The following DCLK1 variants were observed in gnomAD, a reference collection of about 807,000 sequenced individuals.
DCLK1 encodes serine/threonine-protein kinase DCLK1.
DCLK1 carries 16 observed loss-of-function variants against 86.2 expected under a neutral mutation model. The ratio of observed to expected loss-of-function variants is 0.19; its 90% CI spans 0.13 to 0.28. DCLK1 has a LOEUF of 0.28. DCLK1 is among the 10% of genes least tolerant of loss of function. DCLK1 has a pLI of 1.00. For missense variants in DCLK1, 590 were observed against 940.2 expected (o/e 0.63, Z 4.87); for synonymous variants, 369 against 370.5 (o/e 1.00, Z 0.05).
chr13:36,112,960 A>C (rs932198075), intron 2 of DCLK1, among the ~76,000 whole-genome samples: 6 of 152,254 alleles, frequency 3.9e-5, no homozygotes, highest in African/African-American at 1.4e-4. Context: ...GTAGATGTAG[A>C]TCACACACAC....
intron 3 of DCLK1, among the ~76,000 whole-genome samples, chr13:36,032,435 C>T (rs977079524): frequency 1.3e-5 from 2 of 152,180 alleles, no homozygotes; most frequent in South Asian, 2.1e-4. Context: ...TGAGCCACTG[C>T]GCCCAGCCCA....
At chr13:35,873,190 C>A (rs1333726505) in intron 4 of DCLK1, among the ~76,000 whole-genome samples, 1 of 151,798 alleles carries the variant, frequency 6.6e-6, no homozygotes, top group East Asian at 2.0e-4. Context: ...CCCAGCTACT[C>A]GGGAGGCTAA....
intron 3 of DCLK1, among the ~76,000 whole-genome samples, chr13:36,011,557 T>C (rs1881272303): frequency 1.3e-5 from 2 of 148,634 alleles, no homozygotes; most frequent in South Asian, 4.4e-4. Context: ...TTCTTAATCC[T>C]GAGTTCTAGT....
intron 4 of DCLK1, among the ~76,000 whole-genome samples, chr13:35,921,724 G>A (rs9545782): frequency 0.1 from 15,945 of 152,152 alleles, 988 homozygotes; most frequent in African/African-American, 0.17. Context: ...AATGAAGAGC[G>A]CTAAAGAATC....
intron 4 of DCLK1, among the ~76,000 whole-genome samples, chr13:35,894,619 C>T (rs372005967): frequency 6.6e-6 from 1 of 152,166 alleles, no homozygotes; most frequent in African/African-American, 2.4e-5. Flanking sequence ...CACAGAGGTG[C>T]CCAGGGAAGA....
At chr13:36,076,849 T>C (rs1179205462) in intron 3 of DCLK1, among the ~76,000 whole-genome samples, 1 of 152,220 alleles carries the variant, frequency 6.6e-6, no homozygotes, top group Non-Finnish European at 1.5e-5. Flanking sequence ...AGATGGACAT[T>C]CTGTCCAAAA....
chr13:35,897,379 T>G (rs1172520516), intron 4 of DCLK1, among the ~76,000 whole-genome samples: 1 of 152,068 alleles, frequency 6.6e-6, no homozygotes, highest in Non-Finnish European at 1.5e-5. Flanking sequence ...GACCTAGCCA[T>G]GATAGCAAGA....
intron 3 of DCLK1, among the ~76,000 whole-genome samples, chr13:35,966,885 C>A (rs1011764499): frequency 2.0e-5 from 3 of 152,066 alleles, no homozygotes; most frequent in Non-Finnish European, 1.5e-5. Context: ...CTGCCTTGGC[C>A]TCCCAAAGTG....
intron 3 of DCLK1, among the ~76,000 whole-genome samples, chr13:36,053,457 C>T (rs1200601899): frequency 6.6e-6 from 1 of 152,048 alleles, no homozygotes; most frequent in East Asian, 1.9e-4. Context: ...ACAGAGTCAA[C>T]CAATACTTAT....
At chr13:36,064,710 C>T (rs1360522375) in intron 3 of DCLK1, among the ~76,000 whole-genome samples, 11 of 147,850 alleles carry the variant, frequency 7.4e-5, no homozygotes, top group Non-Finnish European at 1.6e-4. Context: ...TGGGTAACTT[C>T]ATCTTTACCA....
At chr13:36,071,158 T>C (rs1456391448) in intron 3 of DCLK1, among the ~76,000 whole-genome samples, 1 of 151,960 alleles carries the variant, frequency 6.6e-6, no homozygotes, top group Non-Finnish European at 1.5e-5. Flanking sequence ...TATGAACATA[T>C]CTCGTTACAC....
chr13:35,905,422 C>G (rs545788533), intron 4 of DCLK1, among the ~76,000 whole-genome samples: 24 of 152,192 alleles, frequency 1.6e-4, no homozygotes, highest in African/African-American at 5.6e-4. Context: ...CACCCTATCC[C>G]AGGAGCCAGG....
At chr13:36,034,285 A>C (rs1309440758) in intron 3 of DCLK1, among the ~76,000 whole-genome samples, 1 of 152,252 alleles carries the variant, frequency 6.6e-6, no homozygotes, top group African/African-American at 2.4e-5. Context: ...AATAGAATCA[A>C]TAGAAATTAA....
chr13:35,802,249 C>G (rs1236790884), intron 15 of DCLK1, among the ~76,000 whole-genome samples: 1 of 151,694 alleles, frequency 6.6e-6, no homozygotes, highest in Non-Finnish European at 1.5e-5. Flanking sequence ...GGAGGATTGC[C>G]TGAGCCCAGG....
intron 4 of DCLK1, among the ~76,000 whole-genome samples, chr13:35,942,152 T>A (rs973057233): frequency 6.6e-6 from 1 of 152,082 alleles, no homozygotes; most frequent in African/African-American, 2.4e-5. Context: ...ACGGCTTTAA[T>A]GTTTTCTAAA....
rs376231053 is a variant in DCLK1 at position 36,095,173 on chromosome 13, GT to G, written c.723+16695del. Among the ~76,000 whole-genome samples, 231 of 109,372 alleles carry G rather than the reference GT, an allele frequency of 2.1e-3. 3 individuals carry two copies. Among genetic ancestry groups the G allele is most frequent in the Admixed American group, 5.0e-3 (55 of 10,916 alleles). 71.8% of individuals were successfully genotyped at this position (109,372 alleles called of 152,430 possible). ...GATATCTCTCTATCTCTCTCTCTTT[GT>G]TTTTTTTTTTTGTTTTTTTTGTTTT... On this transcript the variant is annotated intron_variant, in intron 3 of 16. Coordinates refer to ENST00000360631, the MANE Select transcript of DCLK1 (RefSeq NM_001330071.2).
At chr13:36,028,995 A>G (rs1882158950) in intron 3 of DCLK1, among the ~76,000 whole-genome samples, 1 of 152,218 alleles carries the variant, frequency 6.6e-6, no homozygotes, top group Admixed American at 6.5e-5. Context: ...TTTAGCATGT[A>G]ATCCAGAAAT....
rs367689751 is a variant in DCLK1 at position 35,784,764 on chromosome 13, T to C, written c.2058+8602A>G. On this transcript the variant is annotated intron_variant, in intron 16 of 16. Transcript: ENST00000360631. ...GTCCCCGGGGACAGCGTTCTCACTC[T>C]GCAGAGCAAAGCCAGGACAACTAGC... is the stretch of plus-strand genomic sequence containing the variant. Among the ~76,000 whole-genome samples, 192 of 152,254 alleles carry C rather than the reference T, an allele frequency of 1.3e-3. 1 individual carries two copies. The highest frequency in any genetic ancestry group is 2.2e-3 in the African/African-American group (90 of 41,574).
intron 3 of DCLK1, among the ~76,000 whole-genome samples, chr13:36,103,153 C>T (rs1885276201): frequency 2.6e-5 from 4 of 152,090 alleles, no homozygotes; most frequent in Admixed American, 2.0e-4. Flanking sequence ...GTAATCCCAG[C>T]GCTTTGGGAG....
Sources: allele counts gnomAD v4.1 joint callset (sites outside exome capture counted in the v4.1 genomes callset), GRCh38; gene constraint gnomAD v4.1.1; transcripts MANE v1.5; gene names NCBI Gene and HGNC (gene_info 2026-07-23, HGNC 2026-07-21).